TMEM144: variants seen among roughly 807,000 people sequenced by gnomAD.
TMEM144 encodes transmembrane protein 144.
TMEM144 carries 39 observed loss-of-function variants against 43.6 expected under a neutral mutation model. That is an observed-to-expected ratio of 0.90 (90% CI 0.69 to 1.17). TMEM144 has a LOEUF of 1.17. TMEM144 is among the 50% of genes most tolerant of loss of function. The pLI, the probability that TMEM144 is intolerant of heterozygous loss-of-function variation, is 0.00. For synonymous variants in TMEM144, 154 were observed against 133.6 expected, an observed-to-expected ratio of 1.15 and a Z score of -1.06; for missense variants, 417 against 411.9, an observed-to-expected ratio of 1.01 and a Z score of -0.11.
intron 6 of TMEM144, among the ~76,000 whole-genome samples, chr4:158,230,884 T>C (rs1208361010): frequency 2.0e-5 from 3 of 152,106 alleles, no homozygotes; most frequent in African/African-American, 4.8e-5. Context: ...ATCAAAGTTC[T>C]GCATGACATG....
At position 158,237,617 on chromosome 4, in the gene TMEM144, G is replaced by C. The variant is rs754863439; in HGVS notation, c.656G>C (p.Ser219Thr). The stretch of plus-strand genomic sequence containing the variant: ...AAGGACCACAGCAAAAGAAATGATA[G>C]TATATATGCAGGGGCAAGCCAATAT... ...YIKDHSKRND[S>T]IYAGASQYDL... is the part of the protein sequence containing the mutation. The change falls in exon 9 of 13, where the codon AGT becomes ACT. Residue 219 changes from serine to threonine, a missense_variant. Physicochemically the swap from Ser to Thr is moderately conservative, Grantham distance 58. Coordinates refer to ENST00000296529, the MANE Select transcript of TMEM144 (RefSeq NM_018342.5). 3.1e-6 allele frequency: 5 copies of C among 1,613,392 alleles called. No homozygotes were observed. The highest frequency in any genetic ancestry group is 4.2e-6 in the Non-Finnish European group (5 of 1,179,558).
intron 6 of TMEM144, among the ~76,000 whole-genome samples, chr4:158,228,841 C>T (rs1196118207): frequency 6.6e-6 from 1 of 152,156 alleles, no homozygotes; most frequent in Non-Finnish European, 1.5e-5. Context: ...GGCAAGACTC[C>T]TGTCTTAAGA....
intron 12 of TMEM144, among the ~76,000 whole-genome samples, chr4:158,249,368 A>G (rs1439175810): frequency 2.0e-5 from 3 of 152,246 alleles, no homozygotes; most frequent in Non-Finnish European, 2.9e-5. Context: ...TGTATAGGTC[A>G]GTAAGCTACT....
chr4:158,226,948 T>C (rs1734803212), intron 6 of TMEM144, among the ~76,000 whole-genome samples: 1 of 152,288 alleles, frequency 6.6e-6, no homozygotes, highest in Non-Finnish European at 1.5e-5. Context: ...TTCTTTTATG[T>C]CTGTGGGCTA....
intron 9 of TMEM144, among the ~76,000 whole-genome samples, chr4:158,238,034 A>G (rs1262995828): frequency 1.3e-5 from 2 of 152,220 alleles, no homozygotes; most frequent in African/African-American, 4.8e-5. Context: ...CTACTTGGTC[A>G]GAGGATATTA....
intron 9 of TMEM144, among the ~76,000 whole-genome samples, chr4:158,238,846 A>G (rs899360118): frequency 6.6e-6 from 1 of 152,204 alleles, no homozygotes; most frequent in Non-Finnish European, 1.5e-5. Flanking sequence ...ACACAAAGAG[A>G]ACAATGGCTT....
chr4:158,216,423 CAT>C (rs1734226055), intron 4 of TMEM144, among the ~76,000 whole-genome samples: 2 of 152,130 alleles, frequency 1.3e-5, no homozygotes, highest in Non-Finnish European at 2.9e-5. Flanking sequence ...GGAAAAAGAA[CAT>C]GTTTGAAAGA....
chr4:158,246,707 C>T (rs956321369), intron 12 of TMEM144, among the ~76,000 whole-genome samples: 7 of 151,968 alleles, frequency 4.6e-5, no homozygotes, highest in African/African-American at 1.7e-4. Context: ...TTTCATCTAC[C>T]TCACAAAAAA....
At position 158,245,393 on chromosome 4, in the gene TMEM144, C is replaced by T. The variant is rs145589973; in HGVS notation, c.954+1044C>T. Among the ~76,000 whole-genome samples the T allele has an allele frequency of 3.5e-4, 53 of 149,980 alleles. No individual in the cohort carries two copies. In the East Asian group the frequency reaches 6.7e-3, roughly 19 times the overall value. On this transcript the variant is annotated intron_variant, in intron 12 of 12. Transcript: ENST00000296529. ...TTGATGTCAGCCTGGGCAATCACAA[C>T]GACAACAAAAGGTACAGTCTCAAGA... is the stretch of plus-strand genomic sequence containing the variant.
Position 158,240,237 on chromosome 4 carries a change from A to G in TMEM144, c.683-62A>G. On this transcript the variant is annotated intron_variant, in intron 9 of 12. Transcript: ENST00000296529. The stretch of plus-strand genomic sequence containing the variant: ...TTAATTCTGGTGAGTTTATTTTCAG[A>G]AATCTAAATATATCTGGAATGATTA... 3 of 1,540,396 alleles carry G rather than the reference A, an allele frequency of 1.9e-6. No homozygotes were observed. In the African/African-American group the frequency reaches 4.1e-5, roughly 21 times the overall value.
At chr4:158,228,995 A>G (rs1734922935) in intron 6 of TMEM144, among the ~76,000 whole-genome samples, 1 of 151,998 alleles carries the variant, frequency 6.6e-6, no homozygotes, top group African/African-American at 2.4e-5. Flanking sequence ...AACGAAACAG[A>G]ACAGGACAGG....
intron 6 of TMEM144, among the ~76,000 whole-genome samples, chr4:158,226,671 C>A (rs999471327): frequency 7.9e-5 from 12 of 152,044 alleles, no homozygotes; most frequent in African/African-American, 2.2e-4. Context: ...GGAGGCCTAG[C>A]TACTTTTAAA....
intron 5 of TMEM144, 113 bp downstream of exon 5, chr4:158,217,533 T>C (rs1213712544): frequency 1.4e-6 from 1 of 732,832 alleles, no homozygotes; most frequent in African/African-American, 1.8e-5. Context: ...AGTTTATAGC[T>C]GGTAAAACAT....
In TMEM144 at chr4:158,254,130, C is replaced by G. The variant is rs761222930; in HGVS notation, c.*603C>G. 3.3e-5 allele frequency: 5 copies of G among 152,246 alleles called. No homozygotes were observed. The highest frequency in any genetic ancestry group is 6.5e-5 in the Admixed American group (1 of 15,282). 9.4% of individuals were successfully genotyped at this position (152,246 alleles called of 1,614,324 possible). The stretch of plus-strand genomic sequence containing the variant: ...CATCTACCCATTTTAGCTCATAATG[C>G]TTTTGATTATCGCCAGATAAAGTCC... On this transcript the variant is annotated 3_prime_UTR_variant, in exon 13 of 13. Transcript: ENST00000296529.
intron 9 of TMEM144, among the ~76,000 whole-genome samples, chr4:158,238,646 AAAACT>A (rs1389968286): frequency 6.6e-6 from 1 of 152,238 alleles, no homozygotes; most frequent in Non-Finnish European, 1.5e-5. Flanking sequence ...AACGAATCTA[AAAACT>A]TTATACTACA....
intron 4 of TMEM144, 111 bp downstream of exon 4, chr4:158,215,424 A>ATAGTTAC: frequency 7.7e-7 from 1 of 1,304,960 alleles, no homozygotes; most frequent in Non-Finnish European, 1.0e-6. Context: ...ACCCTTAGTC[A>ATAGTTAC]TAGATACTAG....
chr4:158,235,631 T>C, intron 8 of TMEM144, 126 bp downstream of exon 8: 1 of 987,478 alleles, frequency 1.0e-6, no homozygotes, highest in South Asian at 3.1e-5. Context: ...TTGACTTCTA[T>C]CTCCATGCGG....
intron 5 of TMEM144, among the ~76,000 whole-genome samples, chr4:158,217,827 A>C (rs1436425483): frequency 6.6e-6 from 1 of 152,234 alleles, no homozygotes; most frequent in Non-Finnish European, 1.5e-5. Flanking sequence ...AGAACTAAGA[A>C]GCTAGGATTC....
intron 6 of TMEM144, among the ~76,000 whole-genome samples, chr4:158,230,495 A>G (rs1735022102): frequency 6.6e-6 from 1 of 152,152 alleles, no homozygotes; most frequent in African/African-American, 2.4e-5. Context: ...TGTTTATTAG[A>G]AAAACACACA....
Sources: allele counts gnomAD v4.1 joint callset (sites outside exome capture counted in the v4.1 genomes callset), GRCh38; gene constraint gnomAD v4.1.1; transcripts MANE v1.5; gene names NCBI Gene and HGNC (gene_info 2026-07-23, HGNC 2026-07-21).